Variants in STARD13 observed in about 807,000 individuals in gnomAD.
The protein encoded by STARD13 is stAR-related lipid transfer protein 13.
A neutral mutation model predicts 106.4 loss-of-function variants in STARD13; 62 were observed. That is an observed-to-expected ratio of 0.58 (90% CI 0.48 to 0.72). STARD13 has a LOEUF of 0.72. Ranked by LOEUF, STARD13 falls within the 30% of genes least tolerant of loss-of-function variation. The pLI, the probability that STARD13 is intolerant of heterozygous loss-of-function variation, is 0.00. For missense variants in STARD13, 1,387 were observed against 1,424.0 expected, an observed-to-expected ratio of 0.97 and a Z score of 0.42; for synonymous variants, 565 against 553.0, an observed-to-expected ratio of 1.02 and a Z score of -0.31.
chr13:33,133,979 GTGA>G lies in STARD13; in HGVS notation c.388-3693_388-3691del, dbSNP rs1261738181. 4.6e-5 allele frequency among the ~76,000 whole-genome samples: 7 copies of G among 152,260 alleles called. No individual in the cohort carries two copies. The East Asian group carries it at 1.3e-3, about 29-fold the overall frequency. The stretch of plus-strand genomic sequence containing the variant: ...TTTTGAGGTTAACAATGAATAGTTT[GTGA>G]TTATTTAGAAATGTAAAATGGAAAT... On this transcript the variant is annotated intron_variant, in intron 4 of 13. Transcript: ENST00000336934.
chr13:33,540,517 T>C, the STARD13 span, among the ~76,000 whole-genome samples: 1 of 152,330 alleles, frequency 6.6e-6, no homozygotes, highest in Middle Eastern at 3.4e-3. Context: ...TTCATCACAC[T>C]ACTTAGAACT....
chr13:33,659,549 C>T, the STARD13 span, among the ~76,000 whole-genome samples: 1 of 152,130 alleles, frequency 6.6e-6, no homozygotes, highest in Non-Finnish European at 1.5e-5. Context: ...GAAGTCGGAG[C>T]AGTTGTGGGA....
intron 1 of STARD13, among the ~76,000 whole-genome samples, chr13:33,325,986 A>C (rs1289713939): frequency 2.1e-5 from 3 of 144,044 alleles, no homozygotes; most frequent in Admixed American, 6.8e-5. Flanking sequence ...CTCCGTTTAA[A>C]AAAAAAAAAA....
chr13:33,607,908 T>G, the STARD13 span, among the ~76,000 whole-genome samples: 1 of 152,096 alleles, frequency 6.6e-6, no homozygotes, highest in African/African-American at 2.4e-5. Context: ...GTCCAATATC[T>G]CTAAAGAAAC....
chr13:33,537,810 A>G, the STARD13 span, among the ~76,000 whole-genome samples: 1 of 152,364 alleles, frequency 6.6e-6, no homozygotes, highest in East Asian at 1.9e-4. Context: ...TTACAGCTAC[A>G]GCATAGTCAT....
intron 1 of STARD13, among the ~76,000 whole-genome samples, chr13:33,238,934 G>C (rs904909605): frequency 6.6e-6 from 1 of 151,938 alleles, no homozygotes. Context: ...TAACACATTA[G>C]TGTTTTTTCT....
At chr13:33,166,292 G>C (rs1403718093) in intron 2 of STARD13, among the ~76,000 whole-genome samples, 2 of 152,186 alleles carry the variant, frequency 1.3e-5, no homozygotes, top group Non-Finnish European at 2.9e-5. Flanking sequence ...TGCTCGGCTA[G>C]TGAGGGAGGG....
the STARD13 span, among the ~76,000 whole-genome samples, chr13:33,640,364 A>G: frequency 2.0e-5 from 3 of 152,226 alleles, no homozygotes; most frequent in African/African-American, 7.2e-5. Context: ...TTGGAATATA[A>G]ATAACTTCTA....
intron 6 of STARD13, 152 bp from the exon 7 acceptor site, chr13:33,126,392 A>T (rs1258427444): frequency 1.3e-6 from 1 of 760,460 alleles, no homozygotes; most frequent in African/African-American, 1.7e-5. Context: ...ATCACAGGAC[A>T]CTGCTGTGCT....
chr13:33,425,986 T>G, the STARD13 span, among the ~76,000 whole-genome samples: 1 of 152,226 alleles, frequency 6.6e-6, no homozygotes, highest in Non-Finnish European at 1.5e-5. Flanking sequence ...AAATGTTGAC[T>G]CTGATAGTCT....
At position 33,178,290 on chromosome 13, in the gene STARD13, T is replaced by C. The variant is rs1377109230; in HGVS notation, c.170-10668A>G. 2.6e-5 allele frequency among the ~76,000 whole-genome samples: 4 copies of C among 152,366 alleles called. No individual in the cohort carries two copies. The East Asian group carries it at 7.7e-4, about 29-fold the overall frequency. ...TAGGTGGCTTGAATAACATTTCTACTGACATTACTTTAAAAAGTATCTTCT... is the reference window on the plus strand; with the variant it reads ...TAGGTGGCTTGAATAACATTTCTACCGACATTACTTTAAAAAGTATCTTCT... On this transcript the variant is annotated intron_variant, in intron 1 of 13. Coordinates refer to ENST00000336934, the MANE Select transcript of STARD13 (RefSeq NM_178006.4).
chr13:33,170,348 C>T (rs1883812554), intron 1 of STARD13, among the ~76,000 whole-genome samples: 1 of 152,182 alleles, frequency 6.6e-6, no homozygotes, highest in Non-Finnish European at 1.5e-5. Flanking sequence ...CCTTTTGGAA[C>T]TTAAAATTCT....
At chr13:33,427,727 G>A in the STARD13 span, among the ~76,000 whole-genome samples, 21 of 152,016 alleles carry the variant, frequency 1.4e-4, no homozygotes, top group African/African-American at 3.9e-4. Context: ...AGGCCGAGGC[G>A]GGCGGATCAC....
intron 1 of STARD13, among the ~76,000 whole-genome samples, chr13:33,264,899 G>C (rs1890823097): frequency 6.6e-6 from 1 of 152,194 alleles, no homozygotes; most frequent in African/African-American, 2.4e-5. Context: ...AACCCGTCTT[G>C]ATGAAGAGAA....
the STARD13 span, among the ~76,000 whole-genome samples, chr13:33,662,071 G>T: frequency 6.6e-6 from 1 of 151,928 alleles, no homozygotes; most frequent in Non-Finnish European, 1.5e-5. Flanking sequence ...GACCATCCTG[G>T]CTAACACGGT....
chr13:33,242,948 T>C (rs1188439044), intron 1 of STARD13, among the ~76,000 whole-genome samples: 1 of 152,284 alleles, frequency 6.6e-6, no homozygotes, highest in African/African-American at 2.4e-5. Context: ...TACTTCTCAC[T>C]GTACAACAAA....
At chr13:33,236,247 G>T (rs952922157) in intron 1 of STARD13, among the ~76,000 whole-genome samples, 3 of 152,224 alleles carry the variant, frequency 2.0e-5, no homozygotes, top group African/African-American at 4.8e-5. Flanking sequence ...TGGCTGGCCA[G>T]TAAGGCATGA....
intron 8 of STARD13, chr13:33,113,274 A>C (rs1326097671): frequency 2.6e-6 from 1 of 389,956 alleles, no homozygotes; most frequent in Non-Finnish European, 4.9e-6. Flanking sequence ...GAAGTTGGTG[A>C]TTAGGACTCT....
the STARD13 span, among the ~76,000 whole-genome samples, chr13:33,618,370 G>A: frequency 1.6e-4 from 25 of 152,294 alleles, no homozygotes; most frequent in African/African-American, 4.6e-4. Context: ...TAGTGGGAGT[G>A]AAACACAAAA....
Sources: gnomAD v4.1 joint callset for allele counts (sites outside exome capture counted in the v4.1 genomes callset) on GRCh38, gnomAD v4.1.1 for gene constraint, MANE v1.5 for transcripts, NCBI Gene and HGNC (gene_info 2026-07-23, HGNC 2026-07-21) for gene names.